Variants in CWC27 observed in about 807,000 individuals in gnomAD.
CWC27 encodes spliceosome-associated protein CWC27 homolog.
Under a neutral mutation model 63.6 loss-of-function variants are expected in CWC27, and 47 were observed. The observed-to-expected ratio is 0.74, with a 90% confidence interval of 0.58 to 0.94. CWC27 has a LOEUF of 0.94. CWC27 is among the 40% of genes least tolerant of loss of function. CWC27 has a pLI of 0.00. For synonymous variants in CWC27, 175 were observed against 179.8 expected (o/e 0.97, Z 0.22); for missense variants, 495 against 554.3 (o/e 0.89, Z 1.07).
chr5:64,970,237 G>C (rs974072167), intron 11 of CWC27, among the ~76,000 whole-genome samples: 4 of 144,798 alleles, frequency 2.8e-5, no homozygotes, highest in African/African-American at 1.0e-4. Context: ...TTTTGAGACA[G>C]AGTCTCGCTC....
chr5:64,784,014 T>C (rs1323552384), intron 4 of CWC27, 35 bp downstream of exon 4: 3 of 1,523,284 alleles, frequency 2.0e-6, no homozygotes, highest in Non-Finnish European at 1.8e-6. Context: ...TGTGGTTCAG[T>C]TTTTGGTTTT....
chr5:64,855,348 T>A (rs1746226435), intron 10 of CWC27, among the ~76,000 whole-genome samples: 1 of 152,160 alleles, frequency 6.6e-6, no homozygotes, highest in African/African-American at 2.4e-5. Flanking sequence ...AGAAAACATG[T>A]CTTTCTCTGA....
At chr5:64,866,182 A>G (rs1214559640) in intron 10 of CWC27, among the ~76,000 whole-genome samples, 1 of 152,024 alleles carries the variant, frequency 6.6e-6, no homozygotes, top group African/African-American at 2.4e-5. Flanking sequence ...CAGTTAGATT[A>G]TATGTGTACA....
chr5:64,864,230 A>G (rs1746483661), intron 10 of CWC27, among the ~76,000 whole-genome samples: 1 of 152,216 alleles, frequency 6.6e-6, no homozygotes, highest in South Asian at 2.1e-4. Flanking sequence ...GATTACATAA[A>G]TGATAGCCAT....
chr5:64,858,228 G>C (rs1033771212), intron 10 of CWC27, among the ~76,000 whole-genome samples: 2 of 149,102 alleles, frequency 1.3e-5, no homozygotes, highest in African/African-American at 4.9e-5. Flanking sequence ...GTGGGGCCGA[G>C]GCGGGCGGAT....
chr5:64,972,387 A>G (rs1749142060), intron 12 of CWC27, among the ~76,000 whole-genome samples: 2 of 152,218 alleles, frequency 1.3e-5, no homozygotes, highest in Admixed American at 6.5e-5. Flanking sequence ...TGTGCCATGC[A>G]GTACTTGACA....
At chr5:64,880,980 A>G (rs1275084304) in intron 10 of CWC27, among the ~76,000 whole-genome samples, 1 of 151,538 alleles carries the variant, frequency 6.6e-6, no homozygotes, top group African/African-American at 2.4e-5. Context: ...CTCCAAGCTT[A>G]CAATTTTAAT....
intron 13 of CWC27, among the ~76,000 whole-genome samples, chr5:65,002,361 T>G (rs923720843): frequency 1.3e-5 from 2 of 151,736 alleles, no homozygotes; most frequent in Non-Finnish European, 2.9e-5. Flanking sequence ...TAGGGTTTGG[T>G]TTGTTTTTGC....
chr5:65,017,962 C>G (rs1293602561), intron 13 of CWC27, among the ~76,000 whole-genome samples, 197 bp from the exon 14 acceptor site: 1 of 152,214 alleles, frequency 6.6e-6, no homozygotes, highest in African/African-American at 2.4e-5. Flanking sequence ...ACCAGCAGAA[C>G]AAACTCCAGA....
intron 10 of CWC27, among the ~76,000 whole-genome samples, chr5:64,816,665 T>C (rs1745041235): frequency 6.6e-6 from 1 of 152,228 alleles, no homozygotes; most frequent in East Asian, 1.9e-4. Flanking sequence ...CTATATGAGA[T>C]AAACTACCTT....
At chr5:64,802,430 T>C (rs775377151) in intron 9 of CWC27, among the ~76,000 whole-genome samples, 4 of 152,074 alleles carry the variant, frequency 2.6e-5, no homozygotes, top group Non-Finnish European at 5.9e-5. Context: ...TAAAAGGAAG[T>C]GAGGAACAGT....
intron 10 of CWC27, among the ~76,000 whole-genome samples, chr5:64,822,987 C>T (rs1294101503): frequency 6.6e-6 from 1 of 152,150 alleles, no homozygotes; most frequent in African/African-American, 2.4e-5. Flanking sequence ...ATTTGAATAA[C>T]AAATGTTACT....
rs1750090445 is a variant in CWC27, at chr5:65,018,483, G to A, written c.*162G>A. The A allele has an allele frequency of 1.0e-5, 6 of 584,396 alleles. No homozygotes were observed. The highest frequency in any genetic ancestry group is 1.7e-5 in the Non-Finnish European group (6 of 359,354). 36.2% of individuals were successfully genotyped at this position (584,396 alleles called of 1,614,324 possible). A position where few individuals can be genotyped will look rare whatever the true frequency, so the allele number is the denominator to read the frequency against. On this transcript the variant is annotated 3_prime_UTR_variant, in exon 14 of 14. Transcript: ENST00000381070. ...TATCTTGTTTTGCAAATTGTGGAATGATGTAAGCAAATGCTTTTGGTTACT... is the reference window on the plus strand; with the variant it reads ...TATCTTGTTTTGCAAATTGTGGAATAATGTAAGCAAATGCTTTTGGTTACT...
chr5:64,999,762 G>C (rs760941066), intron 13 of CWC27, among the ~76,000 whole-genome samples: 2 of 151,878 alleles, frequency 1.3e-5, no homozygotes, highest in Non-Finnish European at 2.9e-5. Context: ...AGTTGATTTT[G>C]TTTCTTAGCT....
At chr5:64,925,827 G>T (rs1054614063) in intron 11 of CWC27, among the ~76,000 whole-genome samples, 1 of 152,062 alleles carries the variant, frequency 6.6e-6, no homozygotes, top group Non-Finnish European at 1.5e-5. Context: ...ATTCTGATGG[G>T]TCCTTGACTA....
chr5:64,971,585 A>G (rs1360466711), intron 11 of CWC27, 118 bp from the exon 12 acceptor site: 4 of 634,308 alleles, frequency 6.3e-6, no homozygotes, highest in Non-Finnish European at 1.0e-5. Context: ...TTGAAATTAA[A>G]TGGTGAAAAA....
At chr5:64,839,820 A>T (rs1049975035) in intron 10 of CWC27, among the ~76,000 whole-genome samples, 1 of 152,164 alleles carries the variant, frequency 6.6e-6, no homozygotes, top group African/African-American at 2.4e-5. Context: ...CTTGAAAAAA[A>T]CACAGAAAAG....
intron 11 of CWC27, among the ~76,000 whole-genome samples, chr5:64,960,594 C>CATT (rs1748889173): frequency 6.6e-6 from 1 of 151,976 alleles, no homozygotes; most frequent in South Asian, 2.1e-4. Context: ...TACAACTAGA[C>CATT]ATTAGTAGCA....
At chr5:64,960,934 T>TTA (rs1554027416) in intron 11 of CWC27, among the ~76,000 whole-genome samples, 1 of 151,788 alleles carries the variant, frequency 6.6e-6, no homozygotes, top group Admixed American at 6.6e-5. Context: ...TTTTTTTTTT[T>TTA]AAATGAATGA....
Sources: gnomAD v4.1 joint callset for allele counts (sites outside exome capture counted in the v4.1 genomes callset) on GRCh38, gnomAD v4.1.1 for gene constraint, MANE v1.5 for transcripts, NCBI Gene and HGNC (gene_info 2026-07-23, HGNC 2026-07-21) for gene names.